FIGN: variants seen among roughly 807,000 people sequenced by gnomAD.
FIGN encodes the protein fidgetin.
A neutral mutation model predicts 51.3 loss-of-function variants in FIGN; 11 were observed. The observed-to-expected ratio is 0.21, with a 90% CI of 0.13 to 0.35. The LOEUF (loss-of-function observed/expected upper bound fraction) is 0.35, where lower values mean the gene tolerates loss of function less well. Ranked by LOEUF, FIGN falls within the 10% of genes least tolerant of loss-of-function variation. FIGN has a pLI of 1.00. For synonymous variants in FIGN, 407 were observed against 363.2 expected (o/e 1.12, Z -1.37); for missense variants, 857 against 943.6 (o/e 0.91, Z 1.20).
chr2:163,635,750 C>T (rs1323784089), intron 2 of FIGN, among the ~76,000 whole-genome samples: 2 of 151,980 alleles, frequency 1.3e-5, no homozygotes, highest in Non-Finnish European at 2.9e-5. Flanking sequence ...GGTTAGAGGG[C>T]ACAGACTGAT....
chr2:163,670,343 C>A (rs569434768), intron 2 of FIGN, among the ~76,000 whole-genome samples: 2 of 152,128 alleles, frequency 1.3e-5, no homozygotes, highest in African/African-American at 2.4e-5. Flanking sequence ...AAACCCCCCA[C>A]AACAAAGAAA....
intron 2 of FIGN, among the ~76,000 whole-genome samples, chr2:163,647,893 G>C (rs1043886046): frequency 5.9e-5 from 9 of 152,108 alleles, no homozygotes; most frequent in Admixed American, 5.9e-4. Flanking sequence ...TAGAGAGACG[G>C]AGAGATAAGA....
intron 2 of FIGN, among the ~76,000 whole-genome samples, chr2:163,636,343 C>T (rs888152397): frequency 1.3e-5 from 2 of 152,060 alleles, no homozygotes; most frequent in Non-Finnish European, 2.9e-5. Flanking sequence ...TAGAGTGCAA[C>T]GGTGCGATCT....
chr2:163,622,314 G>A (rs534396256), intron 2 of FIGN, among the ~76,000 whole-genome samples: 13 of 152,062 alleles, frequency 8.5e-5, no homozygotes, highest in South Asian at 4.2e-4. Context: ...CAGCCTCGGC[G>A]ACACGGTAAG....
chr2:163,703,930 A>G (rs951041757), intron 2 of FIGN, among the ~76,000 whole-genome samples: 3 of 152,126 alleles, frequency 2.0e-5, no homozygotes, highest in African/African-American at 7.2e-5. Flanking sequence ...CAAAACAGCC[A>G]TTACTAATTA....
chr2:163,714,037 C>T (rs1348408779), intron 2 of FIGN, among the ~76,000 whole-genome samples: 12 of 152,140 alleles, frequency 7.9e-5, no homozygotes, highest in African/African-American at 2.9e-4. Context: ...CACAGCGGCT[C>T]ACGGGGTCCA....
chr2:163,670,427 C>A (rs933189176), intron 2 of FIGN, among the ~76,000 whole-genome samples: 1 of 152,190 alleles, frequency 6.6e-6, no homozygotes. Context: ...AAGTCATCAA[C>A]TAAACAGCAT....
chr2:163,656,758 A>T (rs970786590), intron 2 of FIGN, among the ~76,000 whole-genome samples: 4 of 152,190 alleles, frequency 2.6e-5, no homozygotes, highest in Non-Finnish European at 4.4e-5. Flanking sequence ...GAGGGTGGGA[A>T]TGCTTTCTGG....
At chr2:163,731,655 T>G (rs1382571750) in intron 2 of FIGN, among the ~76,000 whole-genome samples, 4 of 151,866 alleles carry the variant, frequency 2.6e-5, no homozygotes, top group African/African-American at 7.3e-5. Context: ...TATCAGATAC[T>G]GTTTTAAGAA....
chr2:163,719,677 G>C (rs1410110911), intron 2 of FIGN, among the ~76,000 whole-genome samples: 2 of 149,240 alleles, frequency 1.3e-5, no homozygotes, highest in Admixed American at 6.6e-5. Context: ...AAAACCTGTG[G>C]GGTAGTGATG....
chr2:163,668,712 G>A (rs1240615778), intron 2 of FIGN, among the ~76,000 whole-genome samples: 1 of 152,074 alleles, frequency 6.6e-6, no homozygotes, highest in Non-Finnish European at 1.5e-5. Flanking sequence ...AGGCTGAGGC[G>A]GGCAGATCAC....
intron 2 of FIGN, among the ~76,000 whole-genome samples, chr2:163,686,997 A>T (rs879778931): frequency 1.3e-5 from 2 of 151,284 alleles, no homozygotes; most frequent in Admixed American, 1.3e-4. Flanking sequence ...ATTATGATGT[A>T]TGTGTGAGAT....
At chr2:163,665,630 T>C (rs892221920) in intron 2 of FIGN, among the ~76,000 whole-genome samples, 1 of 152,116 alleles carries the variant, frequency 6.6e-6, no homozygotes, top group Non-Finnish European at 1.5e-5. Context: ...GACAAAAAAA[T>C]TGAAAAGAAT....
rs781730895 is a variant in FIGN at position 163,610,273 on chromosome 2, C to T, written c.1559G>A (p.Arg520Gln). The change falls in exon 3 of 3, where the codon CGG becomes CAG. Residue 520 changes from arginine (R) to glutamine (Q), a missense_variant. Coordinates refer to ENST00000333129, the MANE Select transcript of FIGN (RefSeq NM_018086.4). The stretch of plus-strand genomic sequence containing the variant: ...CCGAGGTCCAAATAAAAGGATGCTC[C>T]GAGGTAAGGCCGTCAGTCCACTGAA... ...DAFSGLTALP[R>Q]SILLFGPRGT... 1.1e-5 allele frequency: 18 copies of T among 1,613,966 alleles called. No individual in the cohort carries two copies. The highest frequency in any genetic ancestry group is 4.5e-5 in the East Asian group (2 of 44,872).
intron 2 of FIGN, among the ~76,000 whole-genome samples, chr2:163,626,592 T>G (rs1400907301): frequency 6.6e-6 from 1 of 152,148 alleles, no homozygotes; most frequent in Non-Finnish European, 1.5e-5. Context: ...TAAATTTAGT[T>G]TTAGTTATGA....
At chr2:163,618,760 A>AC (rs987161955) in intron 2 of FIGN, among the ~76,000 whole-genome samples, 10 of 151,968 alleles carry the variant, frequency 6.6e-5, no homozygotes, top group African/African-American at 2.4e-4. Flanking sequence ...TGGTGCTCCT[A>AC]CCCCCTGACA....
At chr2:163,705,089 T>C (rs748741019) in intron 2 of FIGN, among the ~76,000 whole-genome samples, 5 of 152,306 alleles carry the variant, frequency 3.3e-5, no homozygotes, top group African/African-American at 4.8e-5. Context: ...TGTATGTTTT[T>C]ATTCTAATCA....
In FIGN at chr2:163,609,959, C is replaced by T. The variant is rs763361411; in HGVS notation, c.1873G>A (p.Val625Ile). The T allele has an allele frequency of 2.3e-5, 37 of 1,613,944 alleles. No homozygotes were observed. The Middle Eastern group carries it at 4.9e-4, about 22-fold the overall frequency. The change falls in exon 3 of 3, where the codon GTA becomes ATA. Residue 625 changes from valine to isoleucine, a missense_variant. This residue lies in a region of FIGN where 799 missense variants were observed against 849.5 expected (regional missense o/e 0.94). Coordinates refer to ENST00000333129, the MANE Select transcript of FIGN (RefSeq NM_018086.4). ...GGTTTACTGGTGGCACAAATTACTA[C>T]GATTTGGTCCTCAGCCGAAGTTAGT... ...TVLTSAEDQI[V>I]VICATSKPEE...
intron 2 of FIGN, among the ~76,000 whole-genome samples, chr2:163,702,164 T>G (rs1684417963): frequency 6.6e-6 from 1 of 152,274 alleles, no homozygotes; most frequent in East Asian, 1.9e-4. Flanking sequence ...TGAAGCGTAA[T>G]GAAGCTGATC....
Sources: gnomAD v4.1 joint callset for allele counts (sites outside exome capture counted in the v4.1 genomes callset) on GRCh38, gnomAD v4.1.1 for gene constraint, gnomAD v4.1.1 regional missense constraint, MANE v1.5 for transcripts, NCBI Gene and HGNC (gene_info 2026-07-23, HGNC 2026-07-21) for gene names.